Variants in EIF2AK4 observed in about 807,000 individuals in gnomAD.
EIF2AK4 encodes the protein eukaryotic translation initiation factor 2 alpha kinase 4, also known as eIF-2-alpha kinase GCN2.
Under a neutral mutation model 211.1 loss-of-function variants are expected in EIF2AK4, and 139 were observed. The ratio of observed to expected loss-of-function variants is 0.66; its 90% confidence interval spans 0.57 to 0.76. The LOEUF is 0.76. EIF2AK4 is among the 30% of genes least tolerant of loss of function. The probability of loss-of-function intolerance (pLI) is 0.00; values close to 1 mark genes in which losing one functional copy is unlikely to be tolerated. For synonymous variants in EIF2AK4, 710 were observed against 751.3 expected, an observed-to-expected ratio of 0.94 and a Z score of 0.90; for missense variants, 1,664 against 2,043.8, an observed-to-expected ratio of 0.81 and a Z score of 3.58.
At position 39,978,875 on chromosome 15, in the gene EIF2AK4, A is replaced by G. The variant is rs143396037; in HGVS notation, c.2319+728A>G. Among the ~76,000 whole-genome samples the G allele has an allele frequency of 1.9e-3, 285 of 152,344 alleles. 4 individuals are homozygous for G. Among genetic ancestry groups the G allele is most frequent in the African/African-American group, 6.2e-3 (258 of 41,590 alleles). ...AAGCAAACTTCAGTCGTGAGACACT[A>G]CATACATCATGTGAAAGCAACAGTC... is the stretch of plus-strand genomic sequence containing the variant. On this transcript the variant is annotated intron_variant, in intron 13 of 38. Transcript: ENST00000263791.
intron 36 of EIF2AK4, 81 bp downstream of exon 36, chr15:40,032,318 T>C: frequency 1.6e-6 from 2 of 1,283,080 alleles, no homozygotes; most frequent in Non-Finnish European, 2.3e-6. Flanking sequence ...AGAGCTTTTT[T>C]GCTCAGTGTC....
chr15:40,012,018 T>A (rs575653879), intron 27 of EIF2AK4, among the ~76,000 whole-genome samples: 65 of 152,318 alleles, frequency 4.3e-4, no homozygotes, highest in Non-Finnish European at 8.7e-4. Flanking sequence ...AAGGAAAGTT[T>A]TTTTTTAATT....
intron 29 of EIF2AK4, among the ~76,000 whole-genome samples, chr15:40,017,551 A>ATATATATATATATATATATATG (rs71132134): frequency 3.4e-5 from 3 of 87,080 alleles, no homozygotes; most frequent in East Asian, 3.4e-4. Flanking sequence ...ATATATATAT[A>ATATATATATATATATATATATG]TATGTATTTT....
At chr15:40,006,875 C>A in intron 23 of EIF2AK4, 141 bp from the exon 24 acceptor site, 1 of 620,746 alleles carries the variant, frequency 1.6e-6, no homozygotes, top group Non-Finnish European at 2.8e-6. Flanking sequence ...CAGTGCATAA[C>A]TTAGTGAATA....
chr15:39,960,636 G>A (rs2034458182), intron 6 of EIF2AK4, among the ~76,000 whole-genome samples: 1 of 152,096 alleles, frequency 6.6e-6, no homozygotes, highest in Admixed American at 6.6e-5. Context: ...GTGGTGCAGG[G>A]TTGAGGGAGG....
chr15:40,026,317 G>T (rs920795354), intron 33 of EIF2AK4, among the ~76,000 whole-genome samples: 1 of 152,096 alleles, frequency 6.6e-6, no homozygotes, highest in Non-Finnish European at 1.5e-5. Context: ...GATTAGCTGG[G>T]CATGGTGGTG....
intron 3 of EIF2AK4, among the ~76,000 whole-genome samples, chr15:39,947,157 C>T (rs2034240523): frequency 6.6e-6 from 1 of 152,088 alleles, no homozygotes; most frequent in African/African-American, 2.4e-5. Flanking sequence ...AATCACTCTT[C>T]TTGTTTATCT....
Position 39,976,542 on chromosome 15 carries a change from G to T in EIF2AK4, c.1947G>T (p.Val649=), listed in dbSNP as rs1455575748. The T allele has an allele frequency of 3.1e-6, 5 of 1,613,084 alleles. No individual in the cohort carries two copies. Among genetic ancestry groups the T allele is most frequent in the Non-Finnish European group, 4.2e-6 (5 of 1,179,954 alleles). Residue 649 remains valine (V), a synonymous_variant, in exon 12 of 39, where the codon GTG becomes GTT. Transcript: ENST00000263791. ...LLSRLHHENI[V]RYYNAWIERH... ...CACGGCTGCACCATGAGAACATTGT[G>T]CGCTACTACAACGCCTGGATCGAGC...
chr15:39,941,893 G>A (rs1205768561), intron 2 of EIF2AK4, among the ~76,000 whole-genome samples: 1 of 152,130 alleles, frequency 6.6e-6, no homozygotes, highest in Non-Finnish European at 1.5e-5. Context: ...AACTATTCAG[G>A]TAAATCTTAA....
intron 9 of EIF2AK4, among the ~76,000 whole-genome samples, chr15:39,971,357 C>G (rs554745985): frequency 6.6e-6 from 1 of 152,198 alleles, no homozygotes; most frequent in South Asian, 2.1e-4. Flanking sequence ...AACCCCATAT[C>G]TACTAAAAAG....
intron 14 of EIF2AK4, among the ~76,000 whole-genome samples, chr15:39,986,226 T>C (rs2034863487): frequency 6.6e-6 from 1 of 152,232 alleles, no homozygotes; most frequent in Non-Finnish European, 1.5e-5. Context: ...TAGTAGTTCT[T>C]ATAGACTTGT....
At chr15:39,992,304 A>T (rs2034954818) in intron 17 of EIF2AK4, 75 bp downstream of exon 17, 2 of 1,320,410 alleles carry the variant, frequency 1.5e-6, no homozygotes, top group Non-Finnish European at 2.1e-6. Context: ...CCTGTTTTTT[A>T]CTTGTAAAGG....
intron 24 of EIF2AK4, 86 bp downstream of exon 24, chr15:40,007,151 G>GGT: frequency 8.1e-7 from 1 of 1,231,978 alleles, no homozygotes; most frequent in Non-Finnish European, 1.2e-6. Flanking sequence ...TTTATTTCCT[G>GGT]TGATCCTTAC....
chr15:40,023,626 C>CT (rs550618533), intron 32 of EIF2AK4, among the ~76,000 whole-genome samples: 129 of 152,296 alleles, frequency 8.5e-4, no homozygotes, highest in African/African-American at 3.0e-3. Context: ...ATGCTCCCTC[C>CT]TTCAGACCTG....
intron 18 of EIF2AK4, among the ~76,000 whole-genome samples, chr15:39,993,072 CCATT>C (rs1319630284): frequency 2.3e-3 from 212 of 90,942 alleles, no homozygotes; most frequent in African/African-American, 5.9e-3. Context: ...ATCCATCCAT[CCATT>C]CATCCATCCA....
intron 16 of EIF2AK4, chr15:39,991,923 T>C (rs2034949212): frequency 5.9e-6 from 2 of 341,602 alleles, no homozygotes; most frequent in Admixed American, 4.3e-5. Context: ...TTTCTCTAAG[T>C]GTTTGCATAT....
At chr15:40,024,535 GTTTA>G (rs1464227019) in intron 32 of EIF2AK4, among the ~76,000 whole-genome samples, 1 of 150,716 alleles carries the variant, frequency 6.6e-6, no homozygotes, top group Non-Finnish European at 1.5e-5. Context: ...GAGTAGCTGG[GTTTA>G]TAGGCACACA....
intron 7 of EIF2AK4, among the ~76,000 whole-genome samples, chr15:39,964,607 A>G (rs1689248043): frequency 6.6e-6 from 1 of 152,232 alleles, no homozygotes; most frequent in South Asian, 2.1e-4. Context: ...ATGATATGGT[A>G]AATTATGGGG....
At position 39,976,745 on chromosome 15, in the gene EIF2AK4, G is replaced by A. The variant is rs777747546; in HGVS notation, c.2150G>A (p.Arg717His). 1.2e-5 allele frequency: 19 copies of A among 1,599,170 alleles called. No homozygotes were observed. The Admixed American group carries it at 2.2e-4, about 19-fold the overall frequency. The change falls in exon 12 of 39, where the codon CGC becomes CAC. Residue 717 changes from arginine to histidine, a missense_variant. This residue lies in a region of EIF2AK4 where 206 missense variants were observed against 201.9 expected (regional missense o/e 1.02). Coordinates refer to ENST00000263791, the MANE Select transcript of EIF2AK4 (RefSeq NM_001013703.4). ...SSVEWSTSGE[R>H]SASARFPATG... ...GTGGAGTGGAGCACTTCGGGCGAGCGCTCGGCCAGTGCCCGTTTCCCCGCC... is the reference window on the plus strand; with the variant it reads ...GTGGAGTGGAGCACTTCGGGCGAGCACTCGGCCAGTGCCCGTTTCCCCGCC...
Sources: allele counts gnomAD v4.1 joint callset (sites outside exome capture counted in the v4.1 genomes callset), GRCh38; gene constraint gnomAD v4.1.1; regional missense constraint gnomAD v4.1.1; transcripts MANE v1.5; gene names NCBI Gene and HGNC (gene_info 2026-07-23, HGNC 2026-07-21).